ITGB8: variants seen among roughly 807,000 people sequenced by gnomAD.
The protein encoded by ITGB8 is integrin subunit beta 8.
Under a neutral mutation model 89.5 loss-of-function variants are expected in ITGB8, and 30 were observed. The ratio of observed to expected loss-of-function variants is 0.34; its 90% CI spans 0.25 to 0.45. The LOEUF (loss-of-function observed/expected upper bound fraction) is 0.45. ITGB8 is among the 20% of genes least tolerant of loss of function. ITGB8 has a pLI of 1.00. For synonymous variants in ITGB8, 335 were observed against 320.4 expected (o/e 1.05, Z -0.49); for missense variants, 836 against 933.3 (o/e 0.90, Z 1.36).
intron 3 of ITGB8, among the ~76,000 whole-genome samples, chr7:20,372,577 T>G (rs2107129): frequency 1.3e-5 from 2 of 151,752 alleles, no homozygotes; most frequent in African/African-American, 4.8e-5. Context: ...AGGGGAGAGA[T>G]AGGGGTTGGA....
intron 1 of ITGB8, among the ~76,000 whole-genome samples, chr7:20,349,119 TCTATC>T (rs1253491030): frequency 6.6e-6 from 1 of 152,108 alleles, no homozygotes; most frequent in African/African-American, 2.4e-5. Context: ...CGGAAGATTA[TCTATC>T]CTATAAGATA....
In ITGB8 at chr7:20,409,779, G is replaced by T; in HGVS notation, c.2187+1G>T. 2 of 1,612,640 alleles carry T rather than the reference G, an allele frequency of 1.2e-6. No homozygotes were observed. The highest frequency in any genetic ancestry group is 8.5e-7 in the Non-Finnish European group (1 of 1,179,284). On this transcript the variant is annotated splice_donor_variant, in intron 13 of 13. Transcript: ENST00000222573. LOFTEE classifies it high-confidence loss of function. ...TTACAGAGTGTCAGCCTCAAAAAAG[G>T]TCAGTGAATTCTAAAAAAGAACTGC...
intron 1 of ITGB8, among the ~76,000 whole-genome samples, chr7:20,353,529 G>A (rs1276622028): frequency 6.6e-6 from 1 of 152,162 alleles, no homozygotes; most frequent in East Asian, 1.9e-4. Flanking sequence ...TCTTGTACCT[G>A]AGGATGGCGG....
At chr7:20,359,605 G>A (rs186970178) in intron 1 of ITGB8, among the ~76,000 whole-genome samples, 2 of 152,292 alleles carry the variant, frequency 1.3e-5, no homozygotes, top group East Asian at 3.9e-4. Flanking sequence ...TGTATATGCA[G>A]TGTAGAGATT....
intron 6 of ITGB8, among the ~76,000 whole-genome samples, chr7:20,382,882 C>G (rs1395422081): frequency 2.0e-5 from 3 of 152,132 alleles, no homozygotes; most frequent in African/African-American, 7.2e-5. Context: ...TCAAGTTGAC[C>G]AGCTTGGTAA....
At chr7:20,359,351 AATAAGG>A (rs1241735685) in intron 1 of ITGB8, among the ~76,000 whole-genome samples, 6 of 152,356 alleles carry the variant, frequency 3.9e-5, no homozygotes, top group Middle Eastern at 3.4e-3. Flanking sequence ...GAATATAAAG[AATAAGG>A]TGCATATTGC....
In ITGB8 at chr7:20,412,373, A is replaced by G. The variant is rs1385283988; in HGVS notation, c.*2376A>G. On this transcript the variant is annotated 3_prime_UTR_variant, in exon 14 of 14. Coordinates refer to ENST00000222573, the MANE Select transcript of ITGB8 (RefSeq NM_002214.3). ...ACGTTCTTCTTAAAAAGGAAAATGG[A>G]TGGATGCCTGACAACCCTCCAAAAG... is the stretch of plus-strand genomic sequence containing the variant. 1.3e-5 allele frequency: 2 copies of G among 152,574 alleles called. No individual in the cohort carries two copies. The highest frequency in any genetic ancestry group is 4.8e-5 in the African/African-American group (2 of 41,472). The allele number at this position is 152,574 out of a possible 1,614,324, so 9.5% of individuals were successfully genotyped here.
At chr7:20,353,931 CAAAAAAAAAAAAA>C (rs1158594685) in intron 1 of ITGB8, among the ~76,000 whole-genome samples, 12 of 55,722 alleles carry the variant, frequency 2.2e-4, no homozygotes, top group African/African-American at 9.5e-4. Context: ...GACTCCGTCT[CAAAAAAAAAAAAA>C]AAAAAAAAAA....
chr7:20,345,909 A>G (rs1267564909), intron 1 of ITGB8, among the ~76,000 whole-genome samples: 2 of 152,210 alleles, frequency 1.3e-5, no homozygotes, highest in Non-Finnish European at 2.9e-5. Context: ...GTGTGTATAT[A>G]CAAAAATTGT....
At chr7:20,340,306 T>C (rs996335203) in intron 1 of ITGB8, among the ~76,000 whole-genome samples, 1 of 152,216 alleles carries the variant, frequency 6.6e-6, no homozygotes, top group Non-Finnish European at 1.5e-5. Flanking sequence ...CTCGTGATAG[T>C]ACAGGGTAAG....
At position 20,367,185 on chromosome 7, in the gene ITGB8, A is replaced by G; in HGVS notation, c.387A>G (p.Pro129=). The change falls in exon 3 of 14, where the codon CCA becomes CCG. Residue 129 remains proline, a splice_region_variant and synonymous_variant. Coordinates refer to ENST00000222573, the MANE Select transcript of ITGB8 (RefSeq NM_002214.3). The part of the protein sequence containing the change: ...TPGEVSIQLR[P]GAEANFMLKV... ...GAGAAGTGTCTATCCAGCTGCGTCC[A>G]GGTTTGGTCATTTTCAAATAAATCT... The G allele has an allele frequency of 6.3e-7, 1 of 1,596,042 alleles. No individual in the cohort carries two copies. Among genetic ancestry groups the G allele is most frequent in the Non-Finnish European group, 8.5e-7 (1 of 1,171,452 alleles).
intron 3 of ITGB8, among the ~76,000 whole-genome samples, chr7:20,373,518 C>A (rs1048804669): frequency 1.3e-5 from 2 of 152,164 alleles, no homozygotes; most frequent in Admixed American, 1.3e-4. Flanking sequence ...CAAAAAGAAT[C>A]TTCTAATTTA....
At chr7:20,359,054 A>G (rs1442990698) in intron 1 of ITGB8, among the ~76,000 whole-genome samples, 2 of 152,128 alleles carry the variant, frequency 1.3e-5, no homozygotes, top group African/African-American at 4.8e-5. Context: ...GCTCTTTCTT[A>G]TGGCTGTGTT....
chr7:20,368,067 C>T (rs980495754), intron 3 of ITGB8, among the ~76,000 whole-genome samples: 4 of 152,178 alleles, frequency 2.6e-5, no homozygotes, highest in African/African-American at 9.7e-5. Flanking sequence ...ACTCCCTTCC[C>T]CATTCCAGAA....
chr7:20,381,605 C>A (rs1363476389), intron 5 of ITGB8, 122 bp from the exon 6 acceptor site: 1 of 674,108 alleles, frequency 1.5e-6, no homozygotes, highest in East Asian at 2.7e-5. Flanking sequence ...GCGTTGTACC[C>A]ACGCACATCG....
chr7:20,356,798 C>T (rs1236538235), intron 1 of ITGB8, among the ~76,000 whole-genome samples: 1 of 152,156 alleles, frequency 6.6e-6, no homozygotes, highest in African/African-American at 2.4e-5. Context: ...CTAGAAATGT[C>T]TCTAAAAACT....
Position 20,381,881 on chromosome 7 carries a change from C to T in ITGB8, c.956C>T (p.Thr319Ile). 6.2e-7 allele frequency: 1 copy of T among 1,610,884 alleles called. No homozygotes were observed. Among genetic ancestry groups the T allele is most frequent in the Non-Finnish European group, 8.5e-7 (1 of 1,178,934 alleles). ...AACAACGTCTATGTCAAATCGACAA[C>T]CATGGTAATGCAGCAGTAACCGCTT... The part of the protein sequence containing the change: ...LKNNVYVKST[T>I]MEHPSLGQLS... Residue 319 changes from threonine (T) to isoleucine (I), a missense_variant, in exon 6 of 14, where the codon ACC becomes ATC. By Grantham distance (89) the Thr-to-Ile change is moderately conservative. Transcript: ENST00000222573.
chr7:20,401,652 C>T, intron 9 of ITGB8, 69 bp from the exon 10 acceptor site: 1 of 909,510 alleles, frequency 1.1e-6, no homozygotes, highest in Non-Finnish European at 1.6e-6. Flanking sequence ...CAGTTATTAA[C>T]AGATATAATA....
chr7:20,340,618 G>A (rs982937386), intron 1 of ITGB8, among the ~76,000 whole-genome samples: 1 of 152,210 alleles, frequency 6.6e-6, no homozygotes, highest in Admixed American at 6.5e-5. Flanking sequence ...GCTGTTTCAT[G>A]TGTACATGTG....
Sources: gnomAD v4.1 joint callset for allele counts (sites outside exome capture counted in the v4.1 genomes callset) on GRCh38, gnomAD v4.1.1 for gene constraint, MANE v1.5 for transcripts, NCBI Gene and HGNC (gene_info 2026-07-23, HGNC 2026-07-21) for gene names.